TGFBRAP1: variants seen among roughly 807,000 people sequenced by gnomAD.
TGFBRAP1 encodes transforming growth factor beta receptor associated protein 1, also known as transforming growth factor-beta receptor-associated protein 1.
A neutral mutation model predicts 83.2 loss-of-function variants in TGFBRAP1; 20 were observed. The ratio of observed to expected loss-of-function variants is 0.24; its 90% confidence interval spans 0.17 to 0.35. TGFBRAP1 has a LOEUF of 0.35. TGFBRAP1 is among the 10% of genes least tolerant of loss of function. The pLI is 1.00. For synonymous variants in TGFBRAP1, 415 were observed against 459.8 expected (o/e 0.90, Z 1.25); for missense variants, 950 against 1,099.4 (o/e 0.86, Z 1.92).
chr2:105,258,782 C>G, the TGFBRAP1 span, among the ~76,000 whole-genome samples: 2 of 151,624 alleles, frequency 1.3e-5, no homozygotes, highest in Non-Finnish European at 2.9e-5. Flanking sequence ...CACTGTCTCT[C>G]TCTCTCTCCT....
intron 1 of TGFBRAP1, among the ~76,000 whole-genome samples, chr2:105,315,417 G>A (rs1468560104): frequency 1.3e-5 from 2 of 152,130 alleles, no homozygotes; most frequent in African/African-American, 4.8e-5. Context: ...AAGACATGAG[G>A]ATAGACCAAC....
In TGFBRAP1 at chr2:105,267,190, TGGTCATTCCATGTACATTCATAGAGCCTG is replaced by T; in HGVS notation, c.*164_*192del. 1.3e-4 allele frequency: 5 copies of T among 37,098 alleles called. No individual in the cohort carries two copies. The highest frequency in any genetic ancestry group is 2.2e-4 in the Non-Finnish European group (5 of 22,428). 2.3% of individuals were successfully genotyped at this position (37,098 alleles called of 1,614,324 possible). A position where few individuals can be genotyped will look rare whatever the true frequency, so the allele number is the denominator to read the frequency against. On this transcript the variant is annotated 3_prime_UTR_variant, in exon 12 of 12. Coordinates refer to ENST00000393359, the MANE Select transcript of TGFBRAP1 (RefSeq NM_004257.6). The stretch of plus-strand genomic sequence containing the variant: ...GTTTTCCATGTACATTCATAGAGCC[TGGTCATTCCATGTACATTCATAGAGCCTG>T]GTCAGCAGCGAGGAGTCCTTGTTGC...
chr2:105,260,248 C>T (rs1455261400), downstream of TGFBRAP1, among the ~76,000 whole-genome samples: 1 of 151,964 alleles, frequency 6.6e-6, no homozygotes. Context: ...GTCTCTACCA[C>T]AAATACAAAA....
At chr2:105,264,183 C>A (rs2104293873), downstream of TGFBRAP1, among the ~76,000 whole-genome samples, 1 of 152,236 alleles carries the variant, frequency 6.6e-6, no homozygotes, top group Non-Finnish European at 1.5e-5. Flanking sequence ...CAGAAGTCTC[C>A]CTGGTTGAAT....
At position 105,298,527 on chromosome 2, in the gene TGFBRAP1, G is replaced by C. The variant is rs770785271; in HGVS notation, c.867C>G (p.Ile289Met). ...AATGAGTACCTTCAAAGTCCTGTAG[G>C]ATATGGCCCTCCTTAAAGGGCAGCG... The part of the protein sequence containing the change: ...KQTLPFKEGH[I>M]LQDFEGRVIV... Residue 289 changes from isoleucine (I) to methionine (M), a missense_variant, in exon 3 of 12, where the codon ATC becomes ATG. Transcript: ENST00000393359. 1 of 1,605,472 alleles carries C rather than the reference G, an allele frequency of 6.2e-7. No individual in the cohort carries two copies. Among genetic ancestry groups the C allele is most frequent in the South Asian group, 1.1e-5 (1 of 90,380 alleles).
intron 9 of TGFBRAP1, 89 bp from the exon 10 acceptor site, chr2:105,273,103 C>T (rs1048316674): frequency 4.0e-5 from 60 of 1,505,882 alleles, no homozygotes; most frequent in Non-Finnish European, 4.9e-5. Context: ...GCTTGGAGAC[C>T]GCGGCTGCAC....
intron 1 of TGFBRAP1, among the ~76,000 whole-genome samples, chr2:105,312,481 G>A (rs1194355129): frequency 6.6e-6 from 1 of 152,164 alleles, no homozygotes; most frequent in African/African-American, 2.4e-5. Flanking sequence ...CCTTGCATAT[G>A]CAGCAAGCAC....
At position 105,319,781 on chromosome 2, in the gene TGFBRAP1, A is replaced by ATATATATGTTTAACATATATAGG. The variant is rs1491250341; in HGVS notation, c.-18+9821_-18+9843dup. 5.3e-5 allele frequency among the ~76,000 whole-genome samples: 8 copies of ATATATATGTTTAACATATATAGG among 150,150 alleles called. No individual in the cohort carries two copies. In the East Asian group the frequency reaches 1.6e-3, roughly 29 times the overall value. ...AGCATAATACATATATAAGATTTTA[A>ATATATATGTTTAACATATATAGG]TATATATGTTTAACATATATAGGTA... On this transcript the variant is annotated intron_variant, in intron 1 of 11. Transcript: ENST00000393359.
At chr2:105,292,661 A>AGG (rs1162000145) in intron 4 of TGFBRAP1, among the ~76,000 whole-genome samples, 1 of 151,778 alleles carries the variant, frequency 6.6e-6, no homozygotes, top group Non-Finnish European at 1.5e-5. Flanking sequence ...AGGGAGAAGG[A>AGG]GGGAGAGAGA....
chr2:105,267,259 C>T lies in TGFBRAP1; in HGVS notation c.*124G>A. 1 of 1,321,632 alleles carries T rather than the reference C, an allele frequency of 7.6e-7. No homozygotes were observed. Among genetic ancestry groups the T allele is most frequent in the Non-Finnish European group, 1.0e-6 (1 of 976,718 alleles). The allele number at this position is 1,321,632 out of a possible 1,614,324, so 81.9% of individuals were successfully genotyped here. A position where few individuals can be genotyped will look rare whatever the true frequency, so the allele number is the denominator to read the frequency against. On this transcript the variant is annotated 3_prime_UTR_variant, in exon 12 of 12. Coordinates refer to ENST00000393359, the MANE Select transcript of TGFBRAP1 (RefSeq NM_004257.6). ...GTCCTTGTTGCGTATGGACGGAAGG[C>T]TCCCTGGCACCCAGATGTCTCCCTT...
At position 105,267,286 on chromosome 2, in the gene TGFBRAP1, G is replaced by T; in HGVS notation, c.*97C>A. 4 of 1,503,420 alleles carry T rather than the reference G, an allele frequency of 2.7e-6. No homozygotes were observed. Among genetic ancestry groups the T allele is most frequent in the Non-Finnish European group, 3.6e-6 (4 of 1,118,638 alleles). The allele number at this position is 1,503,420 out of a possible 1,614,324, so 93.1% of individuals were successfully genotyped here. ...CCCTGGCACCCAGATGTCTCCCTTC[G>T]TCCTGGCTGACACAGAGCATGGTGG... On this transcript the variant is annotated 3_prime_UTR_variant, in exon 12 of 12. Transcript: ENST00000393359.
chr2:105,309,286 C>A (rs1413534719), intron 1 of TGFBRAP1, among the ~76,000 whole-genome samples: 3 of 152,208 alleles, frequency 2.0e-5, no homozygotes, highest in Admixed American at 6.5e-5. Flanking sequence ...GGAAAGAGGA[C>A]TGCAGAGAAT....
At chr2:105,303,035 G>A (rs1056331331) in intron 2 of TGFBRAP1, among the ~76,000 whole-genome samples, 1 of 152,192 alleles carries the variant, frequency 6.6e-6, no homozygotes, top group Non-Finnish European at 1.5e-5. Context: ...ATTATGTTGA[G>A]GTAGTAGAGA....
chr2:105,251,500 A>C, the TGFBRAP1 span, among the ~76,000 whole-genome samples: 32,776 of 143,758 alleles, frequency 0.23, 3,636 homozygotes, highest in Middle Eastern at 0.33. Context: ...CGGCAGCCAC[A>C]CCGTCTGGGA....
At chr2:105,311,156 AAAAAAC>A (rs1396808546) in intron 1 of TGFBRAP1, among the ~76,000 whole-genome samples, 4 of 141,574 alleles carry the variant, frequency 2.8e-5, no homozygotes, top group Admixed American at 7.1e-5. Context: ...AAAAAAAAAA[AAAAAAC>A]AAAAAACAAA....
chr2:105,297,038 C>T (rs1678113684), intron 3 of TGFBRAP1, among the ~76,000 whole-genome samples: 2 of 152,064 alleles, frequency 1.3e-5, no homozygotes, highest in Non-Finnish European at 2.9e-5. Flanking sequence ...CATCTCCCCA[C>T]AATCCTGCAA....
At chr2:105,262,739 T>C (rs975507081), downstream of TGFBRAP1, among the ~76,000 whole-genome samples, 3 of 152,200 alleles carry the variant, frequency 2.0e-5, no homozygotes, top group African/African-American at 7.2e-5. Context: ...CCACGTGATC[T>C]CATTTAACTA....
chr2:105,312,379 A>C (rs1237490810), intron 1 of TGFBRAP1, among the ~76,000 whole-genome samples: 1 of 152,216 alleles, frequency 6.6e-6, no homozygotes, highest in Non-Finnish European at 1.5e-5. Context: ...TCAACATTTT[A>C]ATGTTTTCTT....
At chr2:105,328,031 A>G (rs1679271965) in intron 1 of TGFBRAP1, among the ~76,000 whole-genome samples, 1 of 152,234 alleles carries the variant, frequency 6.6e-6, no homozygotes, top group Non-Finnish European at 1.5e-5. Flanking sequence ...ATCCTCATTT[A>G]TATTTGTCAG....
Sources: gnomAD v4.1 joint callset for allele counts (sites outside exome capture counted in the v4.1 genomes callset) on GRCh38, gnomAD v4.1.1 for gene constraint, MANE v1.5 for transcripts, NCBI Gene and HGNC (gene_info 2026-07-23, HGNC 2026-07-21) for gene names.